The following MTHFD2L variants were observed in gnomAD, a reference collection of about 807,000 sequenced individuals.
MTHFD2L encodes bifunctional methylenetetrahydrofolate dehydrogenase/cyclohydrolase 2, mitochondrial.
A neutral mutation model predicts 34.9 loss-of-function variants in MTHFD2L; 29 were observed. That is an observed-to-expected ratio of 0.83 (90% CI 0.62 to 1.13). The LOEUF is 1.13. Among genes scored for constraint, MTHFD2L ranks in the 50% most tolerant of loss-of-function variants. MTHFD2L has a pLI of 0.00. For missense variants in MTHFD2L, 481 were observed against 446.5 expected (o/e 1.08, Z -0.70); for synonymous variants, 167 against 155.7 (o/e 1.07, Z -0.54).
chr4:74,123,224 C>T (rs1396087474), upstream of MTHFD2L: 2 of 152,242 alleles, frequency 1.3e-5, no homozygotes, highest in African/African-American at 2.4e-5. Context: ...TAGCCACACA[C>T]ATTTAGTGTT....
intron 7 of MTHFD2L, among the ~76,000 whole-genome samples, chr4:74,291,862 A>G (rs1448491776): frequency 6.6e-6 from 1 of 152,216 alleles, no homozygotes; most frequent in African/African-American, 2.4e-5. Flanking sequence ...TTCAGTTTTC[A>G]GTGTCAATCA....
intron 3 of MTHFD2L, among the ~76,000 whole-genome samples, chr4:74,189,633 C>T (rs1163328421): frequency 1.3e-5 from 2 of 151,508 alleles, no homozygotes; most frequent in Non-Finnish European, 2.9e-5. Flanking sequence ...CATGTGGAAA[C>T]CATGCCCAGA....
At chr4:74,195,732 A>G (rs1733352247) in intron 3 of MTHFD2L, 1 of 152,944 alleles carries the variant, frequency 6.5e-6, no homozygotes, top group African/African-American at 2.4e-5. Flanking sequence ...GGTTTTATAC[A>G]TTTTAGGGAG....
chr4:74,254,126 A>G (rs996625534), intron 6 of MTHFD2L, among the ~76,000 whole-genome samples: 1 of 152,202 alleles, frequency 6.6e-6, no homozygotes, highest in Non-Finnish European at 1.5e-5. Flanking sequence ...CAGAAAGCTT[A>G]ATTAAAGAAA....
chr4:74,263,301 T>G (rs934352708), intron 6 of MTHFD2L, among the ~76,000 whole-genome samples: 11 of 152,044 alleles, frequency 7.2e-5, no homozygotes, highest in African/African-American at 2.7e-4. Flanking sequence ...TAAGATTGCC[T>G]TGGCTATTTG....
In MTHFD2L at chr4:74,237,934, C is replaced by G. The variant is rs1387391165; in HGVS notation, c.805+12540C>G. Among the ~76,000 whole-genome samples, 6 of 152,132 alleles carry G rather than the reference C, an allele frequency of 3.9e-5. No individual in the cohort carries two copies. The East Asian group carries it at 1.2e-3, about 29-fold the overall frequency. On this transcript the variant is annotated intron_variant, in intron 6 of 7. Coordinates refer to ENST00000325278, the MANE Select transcript of MTHFD2L (RefSeq NM_001144978.3). ...TTTCTACTGTGGGTAGGAATATAAGCCTTTCTGTAGGTGAAGTCGTCATTC... is the reference window on the plus strand; with the variant it reads ...TTTCTACTGTGGGTAGGAATATAAGGCTTTCTGTAGGTGAAGTCGTCATTC...
upstream of MTHFD2L, among the ~76,000 whole-genome samples, chr4:74,124,174 T>C (rs1291967766): frequency 1.3e-5 from 2 of 152,114 alleles, no homozygotes; most frequent in African/African-American, 4.8e-5. Flanking sequence ...TGAAGAGTTT[T>C]GATGGGCCCT....
intron 6 of MTHFD2L, among the ~76,000 whole-genome samples, chr4:74,278,128 G>T (rs973417519): frequency 6.6e-6 from 1 of 152,046 alleles, no homozygotes; most frequent in Non-Finnish European, 1.5e-5. Flanking sequence ...CACTAATAAG[G>T]AATTGAACCA....
chr4:74,289,063 T>G (rs1227030659), intron 7 of MTHFD2L, among the ~76,000 whole-genome samples: 1 of 152,224 alleles, frequency 6.6e-6, no homozygotes, highest in Non-Finnish European at 1.5e-5. Context: ...TCAGGCATTT[T>G]TATAGTCACT....
chr4:74,189,485 CTTTTTTTTTTT>C (rs55665552), intron 3 of MTHFD2L, among the ~76,000 whole-genome samples: 2 of 119,824 alleles, frequency 1.7e-5, no homozygotes, highest in African/African-American at 8.1e-5. Flanking sequence ...GTTTTTCTTC[CTTTTTTTTTTT>C]TTTTTTTTTT....
intron 6 of MTHFD2L, among the ~76,000 whole-genome samples, chr4:74,234,435 T>C (rs979402828): frequency 2.0e-5 from 3 of 152,108 alleles, no homozygotes; most frequent in African/African-American, 7.2e-5. Flanking sequence ...CTAATAGATG[T>C]AGCACTATTT....
upstream of MTHFD2L, among the ~76,000 whole-genome samples, chr4:74,154,840 T>C (rs1328010862): frequency 6.6e-6 from 1 of 152,152 alleles, no homozygotes; most frequent in Non-Finnish European, 1.5e-5. Flanking sequence ...CAAATAAATA[T>C]ATGTATGTAA....
At chr4:74,281,383 C>T (rs1025741515) in intron 6 of MTHFD2L, 42 bp from the exon 7 acceptor site, 1 of 1,579,310 alleles carries the variant, frequency 6.3e-7, no homozygotes. Flanking sequence ...GATATGTACA[C>T]CTTTGTTATG....
rs555301059 is a variant in MTHFD2L at position 74,245,785 on chromosome 4, T to C, written c.805+20391T>C. The stretch of plus-strand genomic sequence containing the variant: ...GAATGATGATTTCCAGTTTCATCCA[T>C]GTCCCTACAAAGGACATGAACTCAT... On this transcript the variant is annotated intron_variant, in intron 6 of 7. Coordinates refer to ENST00000325278, the MANE Select transcript of MTHFD2L (RefSeq NM_001144978.3). Among the ~76,000 whole-genome samples, 54 of 152,230 alleles carry C rather than the reference T, an allele frequency of 3.5e-4. No homozygotes were observed. In the South Asian group the frequency reaches 0.011, roughly 30 times the overall value.
At chr4:74,269,556 TATA>T (rs1560546452) in intron 6 of MTHFD2L, among the ~76,000 whole-genome samples, 1 of 151,794 alleles carries the variant, frequency 6.6e-6, no homozygotes, top group Non-Finnish European at 1.5e-5. Context: ...ATACATTATA[TATA>T]ATAATAAATA....
At chr4:74,287,706 C>T (rs1275729882) in intron 7 of MTHFD2L, among the ~76,000 whole-genome samples, 1 of 152,136 alleles carries the variant, frequency 6.6e-6, no homozygotes. Context: ...GAGATCGTGC[C>T]ACTGCACTCT....
chr4:74,245,732 G>GT (rs941474790), intron 6 of MTHFD2L, among the ~76,000 whole-genome samples: 2 of 152,040 alleles, frequency 1.3e-5, no homozygotes, highest in East Asian at 3.9e-4. Flanking sequence ...GTGGTGTTTG[G>GT]TTTTTTGTCC....
At chr4:74,270,751 C>A (rs1013553445) in intron 6 of MTHFD2L, among the ~76,000 whole-genome samples, 1 of 152,198 alleles carries the variant, frequency 6.6e-6, no homozygotes, top group South Asian at 2.1e-4. Context: ...GCCACACTGT[C>A]TTCCACAGTG....
chr4:74,290,725 T>C (rs1177633234), intron 7 of MTHFD2L, among the ~76,000 whole-genome samples: 1 of 151,970 alleles, frequency 6.6e-6, no homozygotes, highest in South Asian at 2.1e-4. Flanking sequence ...CCCAGAAGTA[T>C]ACAACTTCAC....
Sources: allele counts gnomAD v4.1 joint callset (sites outside exome capture counted in the v4.1 genomes callset), GRCh38; gene constraint gnomAD v4.1.1; transcripts MANE v1.5; gene names NCBI Gene and HGNC (gene_info 2026-07-23, HGNC 2026-07-21).